The following CMIP variants were observed in gnomAD, a reference collection of about 807,000 sequenced individuals.
CMIP encodes C-Maf-inducing protein.
CMIP carries 13 observed loss-of-function variants against 97.3 expected under a neutral mutation model. The observed-to-expected ratio is 0.13, with a 90% CI of 0.09 to 0.21. The LOEUF is 0.21. Among genes scored for constraint, CMIP ranks in the 10% least tolerant of loss-of-function variants. The probability of loss-of-function intolerance (pLI) is 1.00; values close to 1 mark genes in which losing one functional copy is unlikely to be tolerated. For synonymous variants in CMIP, 538 were observed against 436.3 expected, an observed-to-expected ratio of 1.23 and a Z score of -2.91; for missense variants, 847 against 1,024.9, an observed-to-expected ratio of 0.83 and a Z score of 2.37.
At chr16:81,542,764 G>C (rs2090472172) in intron 1 of CMIP, among the ~76,000 whole-genome samples, 2 of 152,064 alleles carry the variant, frequency 1.3e-5, no homozygotes, top group African/African-American at 2.4e-5. Flanking sequence ...ATCCTGTCAT[G>C]GGGGCCCCAA....
intron 1 of CMIP, among the ~76,000 whole-genome samples, chr16:81,452,341 T>C (rs12597836): frequency 0.29 from 44,103 of 151,984 alleles, 6,983 homozygotes; most frequent in East Asian, 0.4. Flanking sequence ...CCTCTTAGCA[T>C]TGATGTCAGG....
chr16:81,667,799 A>AGAGAGAGAGAGAGAGAGT, intron 7 of CMIP, among the ~76,000 whole-genome samples: 24 of 58,134 alleles, frequency 4.1e-4, no homozygotes, highest in Non-Finnish European at 5.8e-4. Flanking sequence ...AGAGAGAGAG[A>AGAGAGAGAGAGAGAGAGT]GTGTGTGTGT....
intron 1 of CMIP, among the ~76,000 whole-genome samples, chr16:81,455,557 C>T (rs573783799): frequency 6.6e-6 from 1 of 152,212 alleles, no homozygotes; most frequent in Non-Finnish European, 1.5e-5. Flanking sequence ...TACCACTCCC[C>T]TGCTGCAGGG....
chr16:81,507,552 G>A (rs983719274), intron 1 of CMIP, among the ~76,000 whole-genome samples: 2 of 152,190 alleles, frequency 1.3e-5, no homozygotes, highest in African/African-American at 2.4e-5. Context: ...AGGTTAAGTC[G>A]TTTAATTGGT....
At chr16:81,600,303 T>C (rs1402743219) in intron 1 of CMIP, among the ~76,000 whole-genome samples, 1 of 133,534 alleles carries the variant, frequency 7.5e-6, no homozygotes, top group Non-Finnish European at 1.6e-5. Context: ...AAAAGATATA[T>C]AAAGCTGGCT....
intron 1 of CMIP, among the ~76,000 whole-genome samples, chr16:81,488,226 C>T (rs914194902): frequency 2.6e-5 from 4 of 151,942 alleles, no homozygotes; most frequent in African/African-American, 9.7e-5. Flanking sequence ...AGAGTGCGAC[C>T]GTAGGGGGTT....
chr16:81,669,333 C>T (rs1357998189), intron 7 of CMIP, among the ~76,000 whole-genome samples: 4 of 72,526 alleles, frequency 5.5e-5, no homozygotes, highest in South Asian at 8.2e-4. Context: ...CACTTCATAC[C>T]TCCTTCCACA....
intron 20 of CMIP, 118 bp from the exon 21 acceptor site, chr16:81,709,628 C>T: frequency 2.6e-6 from 3 of 1,148,508 alleles, no homozygotes; most frequent in Non-Finnish European, 3.8e-6. Flanking sequence ...GCCCACAGCA[C>T]CAAGGTGGGG....
intron 1 of CMIP, among the ~76,000 whole-genome samples, chr16:81,507,544 G>C (rs1390251066): frequency 1.3e-5 from 2 of 152,338 alleles, no homozygotes; most frequent in Middle Eastern, 6.8e-3. Context: ...GGGTGGAAAG[G>C]TTAAGTCGTT....
In CMIP at chr16:81,614,052, A is replaced by G. The variant is rs2091873744; in HGVS notation, c.426+6360A>G. 1.3e-5 allele frequency among the ~76,000 whole-genome samples: 2 copies of G among 152,206 alleles called. No individual in the cohort carries two copies. The highest frequency in any genetic ancestry group is 4.8e-5 in the African/African-American group (2 of 41,450). On this transcript the variant is annotated intron_variant, in intron 2 of 20. Coordinates refer to ENST00000537098, the MANE Select transcript of CMIP (RefSeq NM_198390.3). The surrounding 1 kb of genome is among the most constrained non-coding windows in gnomAD (Gnocchi z 5.3). ...GACAGTGTGATGCGTTAGGCGAGGC[A>G]TTCTGGCCTGGTTTGGTTGGGGATG...
chr16:81,502,444 A>T (rs1292097426), intron 1 of CMIP, among the ~76,000 whole-genome samples: 1 of 152,202 alleles, frequency 6.6e-6, no homozygotes, highest in African/African-American at 2.4e-5. Context: ...TGACATGGCC[A>T]CAGAGCACCC....
rs1254618066 is a variant in CMIP at position 81,562,392 on chromosome 16, A to G, written c.301-45175A>G. Among the ~76,000 whole-genome samples the G allele has an allele frequency of 2.0e-5, 3 of 152,246 alleles. No homozygotes were observed. In the East Asian group the frequency reaches 5.8e-4, roughly 29 times the overall value. On this transcript the variant is annotated intron_variant, in intron 1 of 20. Coordinates refer to ENST00000537098, the MANE Select transcript of CMIP (RefSeq NM_198390.3). ...TGTTTACAAGGAATGCCTCATCAGC[A>G]TTCTCTCATCCCAGAAACCACTGGC...
chr16:81,591,922 T>C (rs1466933887), intron 1 of CMIP, among the ~76,000 whole-genome samples: 1 of 151,492 alleles, frequency 6.6e-6, no homozygotes, highest in Non-Finnish European at 1.5e-5. Flanking sequence ...CCTCCCAGGC[T>C]CAAGTATCCT....
intron 9 of CMIP, among the ~76,000 whole-genome samples, chr16:81,675,091 C>T (rs1904287764): frequency 6.6e-6 from 1 of 152,188 alleles, no homozygotes; most frequent in Non-Finnish European, 1.5e-5. Context: ...ACGTTAATAC[C>T]TCCTGGCTGT....
intron 1 of CMIP, among the ~76,000 whole-genome samples, chr16:81,606,596 A>G (rs1597139846): frequency 6.6e-6 from 1 of 152,080 alleles, no homozygotes; most frequent in East Asian, 1.9e-4. Context: ...AGCGTTTCTC[A>G]TTCTTTTCAA....
intron 1 of CMIP, among the ~76,000 whole-genome samples, chr16:81,459,240 G>T (rs746664047): frequency 9.2e-5 from 14 of 152,184 alleles, no homozygotes; most frequent in Middle Eastern, 3.2e-3. Flanking sequence ...CATGGTGGGG[G>T]ACCTTGGCAT....
chr16:81,521,498 G>A (rs1024103747), intron 1 of CMIP, among the ~76,000 whole-genome samples: 7 of 152,172 alleles, frequency 4.6e-5, no homozygotes, highest in African/African-American at 9.7e-5. Context: ...GAAGGACTGG[G>A]TTGCAACAAT....
chr16:81,533,949 A>G (rs2925980), intron 1 of CMIP: 52,118 of 152,022 alleles, frequency 0.34, 9,148 homozygotes, highest in East Asian at 0.45. Flanking sequence ...AGCTGAGGTG[A>G]CCGCAGATGG....
chr16:81,672,129 T>C (rs2092688978), intron 9 of CMIP, 59 bp downstream of exon 9: 1 of 1,020,054 alleles, frequency 9.8e-7, no homozygotes, highest in Non-Finnish European at 1.5e-6. Flanking sequence ...GCCACCCCCA[T>C]CATGGGCAAA....
Sources: allele counts gnomAD v4.1 joint callset (sites outside exome capture counted in the v4.1 genomes callset), GRCh38; gene constraint gnomAD v4.1.1; non-coding constraint Gnocchi (gnomAD v3.1); transcripts MANE v1.5; gene names NCBI Gene and HGNC (gene_info 2026-07-23, HGNC 2026-07-21).